Variants in LPIN2 observed in about 807,000 individuals in gnomAD.
LPIN2 encodes the protein lipin 2, also known as phosphatidate phosphatase LPIN2.
LPIN2 carries 55 observed loss-of-function variants against 111.4 expected under a neutral mutation model. The observed-to-expected ratio is 0.49, with a 90% CI of 0.40 to 0.62. The LOEUF (loss-of-function observed/expected upper bound fraction) is 0.62. Among genes scored for constraint, LPIN2 ranks in the 20% least tolerant of loss-of-function variants. The pLI, the probability that LPIN2 is intolerant of heterozygous loss-of-function variation, is 0.00. For missense variants in LPIN2, 992 were observed against 1,112.1 expected, an observed-to-expected ratio of 0.89 and a Z score of 1.54; for synonymous variants, 425 against 414.0, an observed-to-expected ratio of 1.03 and a Z score of -0.32.
chr18:2,976,520 T>C (rs1053153312), intron 1 of LPIN2, among the ~76,000 whole-genome samples: 1 of 152,242 alleles, frequency 6.6e-6, no homozygotes, highest in Non-Finnish European at 1.5e-5. Flanking sequence ...AAAATAAATT[T>C]GGTTTTAGTG....
chr18:2,968,660 C>T (rs1014570824), intron 1 of LPIN2, among the ~76,000 whole-genome samples: 2 of 152,072 alleles, frequency 1.3e-5, no homozygotes, highest in South Asian at 2.1e-4. Context: ...AAGGGCTGAA[C>T]AGATTAAGGA....
rs2077212519 is a variant in LPIN2, at chr18:2,931,451, CAG to C, written c.1269-10_1269-9del. On this transcript the variant is annotated splice_polypyrimidine_tract_variant and intron_variant, in intron 8 of 19. Transcript: ENST00000677752. ...GAACCGGGCTCCGATTCACTGTGGA[CAG>C]GGGATGGGGAAAAGATGTGCTTTAT... The C allele has an allele frequency of 6.4e-7, 1 of 1,571,610 alleles. No homozygotes were observed. The highest frequency in any genetic ancestry group is 8.6e-7 in the Non-Finnish European group (1 of 1,158,506).
At position 2,938,090 on chromosome 18, in the gene LPIN2, A is replaced by C; in HGVS notation, c.823-53T>G. On this transcript the variant is annotated intron_variant, in intron 6 of 19. Transcript: ENST00000677752. ...AAACTACTTTCAGAGTATTTGTTAT[A>C]ATCTATTTCCTAAGCTGGCAATGTG... 9 of 1,382,736 alleles carry C rather than the reference A, an allele frequency of 6.5e-6. No individual in the cohort carries two copies. The South Asian group carries it at 1.0e-4, about 16-fold the overall frequency. The allele number at this position is 1,382,736 out of a possible 1,614,324, so 85.7% of individuals were successfully genotyped here. A position where few individuals can be genotyped will look rare whatever the true frequency, so the allele number is the denominator to read the frequency against.
At chr18:3,004,130 C>T (rs2078475550) in intron 1 of LPIN2, among the ~76,000 whole-genome samples, 1 of 152,140 alleles carries the variant, frequency 6.6e-6, no homozygotes, top group South Asian at 2.1e-4. Flanking sequence ...TGCTCTTGAA[C>T]CCTGTTTCCT....
At chr18:2,939,382 G>A in intron 6 of LPIN2, 98 bp downstream of exon 6, 3 of 1,422,312 alleles carry the variant, frequency 2.1e-6, no homozygotes, top group South Asian at 1.2e-5. Context: ...ACATTCATGA[G>A]AGCTCAGTCA....
At chr18:2,926,176 T>TG (rs1178180425) in intron 13 of LPIN2, among the ~76,000 whole-genome samples, 1 of 151,730 alleles carries the variant, frequency 6.6e-6, no homozygotes, top group Non-Finnish European at 1.5e-5. Context: ...AGATATAGGA[T>TG]GGGGGGCGGT....
chr18:2,935,769 TA>T (rs34438402), intron 7 of LPIN2, among the ~76,000 whole-genome samples: 1 of 152,080 alleles, frequency 6.6e-6, no homozygotes, highest in Non-Finnish European at 1.5e-5. Context: ...GTTTTATTAA[TA>T]AAACACTGTA....
chr18:2,976,496 A>G (rs568401460), intron 1 of LPIN2, among the ~76,000 whole-genome samples: 1 of 152,368 alleles, frequency 6.6e-6, no homozygotes, highest in East Asian at 1.9e-4. Context: ...CAAAAAGAAG[A>G]TAACTCAAGG....
intron 1 of LPIN2, chr18:2,967,732 C>T (rs1421864407): frequency 2.0e-5 from 3 of 152,168 alleles, no homozygotes; most frequent in East Asian, 1.9e-4. Context: ...CCAGCCTTTC[C>T]GAGGGAAGCT....
chr18:3,003,090 T>TC (rs1392718386), intron 1 of LPIN2, among the ~76,000 whole-genome samples: 1 of 152,200 alleles, frequency 6.6e-6, no homozygotes, highest in African/African-American at 2.4e-5. Flanking sequence ...TATTGTTATC[T>TC]CCCTATTACA....
chr18:2,950,827 T>C, intron 4 of LPIN2: 3 of 570,784 alleles, frequency 5.3e-6, no homozygotes, highest in Non-Finnish European at 9.3e-6. Context: ...AACTTCTTTA[T>C]GAAAAGAAAC....
intron 1 of LPIN2, among the ~76,000 whole-genome samples, chr18:2,971,765 A>C (rs1380535709): frequency 7.3e-6 from 1 of 137,182 alleles, no homozygotes; most frequent in Admixed American, 7.3e-5. Context: ...AAAAAAAAAC[A>C]GGCTGGGTGC....
In LPIN2 at chr18:2,951,046, G is replaced by T. The variant is rs773442071; in HGVS notation, c.590+9C>A. 2.5e-6 allele frequency: 4 copies of T among 1,613,914 alleles called. No homozygotes were observed. The highest frequency in any genetic ancestry group is 1.1e-5 in the South Asian group (1 of 91,058). Reference sequence around the variant, plus strand: ...CCGCACAAGACCCTTCCCAGGCTGAGAGTCCTACCGTGCTGCCTGGGCCCC... The same window carrying T: ...CCGCACAAGACCCTTCCCAGGCTGATAGTCCTACCGTGCTGCCTGGGCCCC... On this transcript the variant is annotated intron_variant, in intron 4 of 19. Coordinates refer to ENST00000677752, the MANE Select transcript of LPIN2 (RefSeq NM_001375808.2).
intron 16 of LPIN2, among the ~76,000 whole-genome samples, chr18:2,922,837 G>A (rs2077075206): frequency 6.6e-6 from 1 of 152,082 alleles, no homozygotes; most frequent in Non-Finnish European, 1.5e-5. Flanking sequence ...CCACTGTGAA[G>A]AAAAAATATA....
intron 1 of LPIN2, among the ~76,000 whole-genome samples, chr18:2,979,846 C>G (rs1272956233): frequency 6.6e-6 from 1 of 152,154 alleles, no homozygotes; most frequent in Non-Finnish European, 1.5e-5. Context: ...TGTATGGTCC[C>G]TCAATATATC....
intron 8 of LPIN2, among the ~76,000 whole-genome samples, chr18:2,933,891 C>T (rs1007283736): frequency 3.7e-4 from 56 of 152,220 alleles, no homozygotes; most frequent in African/African-American, 1.2e-3. Context: ...ACACGGGGCG[C>T]GGGGGCAGTG....
chr18:2,975,261 T>C (rs1205093949), intron 1 of LPIN2, among the ~76,000 whole-genome samples: 3 of 152,218 alleles, frequency 2.0e-5, no homozygotes, highest in Admixed American at 6.5e-5. Flanking sequence ...TTTCAGGCTA[T>C]GTGTGGGTAG....
At chr18:2,930,406 A>G (rs1314459347) in intron 9 of LPIN2, among the ~76,000 whole-genome samples, 1 of 152,202 alleles carries the variant, frequency 6.6e-6, no homozygotes, top group Non-Finnish European at 1.5e-5. Flanking sequence ...GCAAACAAAC[A>G]ATGAAGAGAC....
At chr18:2,946,110 T>G in intron 4 of LPIN2, 1 of 1,574,524 alleles carries the variant, frequency 6.4e-7, no homozygotes, top group Non-Finnish European at 8.7e-7. Context: ...TGTCTTCTTT[T>G]CTTATTTTCT....
Sources: gnomAD v4.1 joint callset for allele counts (sites outside exome capture counted in the v4.1 genomes callset) on GRCh38, gnomAD v4.1.1 for gene constraint, MANE v1.5 for transcripts, NCBI Gene and HGNC (gene_info 2026-07-23, HGNC 2026-07-21) for gene names.